The following ANKRD2 variants were observed in gnomAD, a reference collection of about 807,000 sequenced individuals.
The protein encoded by ANKRD2 is ankyrin repeat domain 2, also known as ankyrin repeat domain-containing protein 2.
In ANKRD2, 35 loss-of-function variants were observed where a neutral mutation model predicts 37.3. The ratio of observed to expected loss-of-function variants is 0.94; its 90% CI spans 0.72 to 1.24. ANKRD2 has a LOEUF of 1.24. ANKRD2 is among the 50% of genes most tolerant of loss of function. ANKRD2 has a pLI of 0.00. For synonymous variants in ANKRD2, 159 were observed against 186.5 expected (o/e 0.85, Z 1.20); for missense variants, 410 against 445.6 (o/e 0.92, Z 0.72).
chr10:97,580,691 T>G lies in ANKRD2; in HGVS notation c.457-164T>G, dbSNP rs1434587530. Among the ~76,000 whole-genome samples the G allele has an allele frequency of 2.0e-5, 3 of 152,082 alleles. No homozygotes were observed. The East Asian group carries it at 5.8e-4, about 29-fold the overall frequency. ...TCCCTGGGGCAGAGGGCTCCCAGGC[T>G]GGTCTGGATAGAGCATAAGGGAGCT... On this transcript the variant is annotated intron_variant, in intron 4 of 8. Transcript: ENST00000370655.
At chr10:97,572,945 T>G (rs2135695973) in intron 1 of ANKRD2, 70 bp downstream of exon 1, 187 of 1,439,288 alleles carry the variant, frequency 1.3e-4, no homozygotes, top group Middle Eastern at 2.2e-4. Flanking sequence ...GGGAGGGAGA[T>G]CCTGTCTGCT....
chr10:97,575,910 CA>C (rs5787245), intron 1 of ANKRD2, among the ~76,000 whole-genome samples: 76,087 of 136,080 alleles, frequency 0.56, 22,128 homozygotes, highest in Non-Finnish European at 0.69. Context: ...GACTCGGTCT[CA>C]AAAAAAAAAA....
At position 97,583,692 on chromosome 10, in the gene ANKRD2, G is replaced by A. The variant is rs145073956; in HGVS notation, c.969G>A (p.Gly323=). The A allele has an allele frequency of 1.8e-4, 294 of 1,591,550 alleles. No homozygotes were observed. Among genetic ancestry groups the A allele is most frequent in the Non-Finnish European group, 2.4e-4 (278 of 1,169,762 alleles). Residue 323 remains glycine, a synonymous_variant, in exon 9 of 9, where the codon GGG becomes GGA. Coordinates refer to ENST00000370655, the MANE Select transcript of ANKRD2 (RefSeq NM_001346793.2). ...HNGLEGPNDS[G]RETPQPVPAQ Reference sequence around the variant, plus strand: ...GGCTGGAGGGGCCTAATGATAGTGGGCGAGAGACCCCTCAGCCTGTGCCAG... The same window carrying A: ...GGCTGGAGGGGCCTAATGATAGTGGACGAGAGACCCCTCAGCCTGTGCCAG...
intron 1 of ANKRD2, 57 bp from the exon 2 acceptor site, chr10:97,577,743 G>C (rs373695766): frequency 2.4e-5 from 34 of 1,399,696 alleles, no homozygotes; most frequent in South Asian, 1.9e-4. Flanking sequence ...GTGTGGTTGG[G>C]GGAGAGGCTG....
At position 97,578,302 on chromosome 10, in the gene ANKRD2, G is replaced by A. The variant is rs146067120; in HGVS notation, c.252G>A (p.Gly84=). ...GGCGGGAGATCATCGATGTGGGCGG[G>A]ATCCAGAACCTCATCGAGCTGCGGA... The part of the protein sequence containing the change: ...DLRREIIDVG[G]IQNLIELRKK... Residue 84 remains glycine, a synonymous_variant, in exon 3 of 9, where the codon GGG becomes GGA. Transcript: ENST00000370655. 3 of 1,613,026 alleles carry A rather than the reference G, an allele frequency of 1.9e-6. No homozygotes were observed. The highest frequency in any genetic ancestry group is 2.7e-5 in the African/African-American group (2 of 74,886).
chr10:97,579,421 T>C (rs7908668), intron 4 of ANKRD2, among the ~76,000 whole-genome samples: 93,695 of 150,250 alleles, frequency 0.62, 30,152 homozygotes, highest in Non-Finnish European at 0.73. Context: ...ATCCTCCCAC[T>C]TCAGCCTCCC....
At chr10:97,577,126 C>T (rs1165112357) in intron 1 of ANKRD2, among the ~76,000 whole-genome samples, 1 of 152,158 alleles carries the variant, frequency 6.6e-6, no homozygotes, top group Non-Finnish European at 1.5e-5. Flanking sequence ...ACCTCAGTCT[C>T]CCAAGTAGCT....
chr10:97,575,792 T>C (rs1337403510), intron 1 of ANKRD2, among the ~76,000 whole-genome samples: 3 of 151,898 alleles, frequency 2.0e-5, no homozygotes, highest in Non-Finnish European at 4.4e-5. Context: ...GCGCCTGTAG[T>C]CCCAGCTACT....
At position 97,581,300 on chromosome 10, in the gene ANKRD2, C is replaced by A; in HGVS notation, c.556-16C>A. 1 of 1,612,302 alleles carries A rather than the reference C, an allele frequency of 6.2e-7. No homozygotes were observed. Among genetic ancestry groups the A allele is most frequent in the Non-Finnish European group, 8.5e-7 (1 of 1,178,704 alleles). Reference sequence around the variant, plus strand: ...TCCCTGCAGCTCTGTAGTTAGACCCCCTCATTTCTTTCTAGCTGGACTGCA... The same window carrying A: ...TCCCTGCAGCTCTGTAGTTAGACCCACTCATTTCTTTCTAGCTGGACTGCA... On this transcript the variant is annotated splice_polypyrimidine_tract_variant and intron_variant, in intron 5 of 8. Transcript: ENST00000370655.
intron 1 of ANKRD2, among the ~76,000 whole-genome samples, chr10:97,575,847 G>C (rs1391992180): frequency 6.6e-6 from 1 of 151,170 alleles, no homozygotes; most frequent in Non-Finnish European, 1.5e-5. Context: ...GGAAGTGGAG[G>C]TTACAGCAAG....
In ANKRD2 at chr10:97,578,395, G is replaced by A. The variant is rs544146661; in HGVS notation, c.345G>A (p.Glu115=). 6.2e-7 allele frequency: 1 copy of A among 1,613,752 alleles called. No individual in the cohort carries two copies. The highest frequency in any genetic ancestry group is 2.2e-5 in the East Asian group (1 of 44,848). Reference sequence around the variant, plus strand: ...ATGAGCCGCCCCCAGAGCCCGAGGAGATCGTAAGGGTCCTGGGGAGGACAC... The same window carrying A: ...ATGAGCCGCCCCCAGAGCCCGAGGAAATCGTAAGGGTCCTGGGGAGGACAC... The part of the protein sequence containing the change: ...ASHEPPPEPE[E]ITGPVDEETF... Residue 115 remains glutamate, a synonymous_variant, in exon 3 of 9, where the codon GAG becomes GAA. Transcript: ENST00000370655.
chr10:97,578,468 G>T, intron 3 of ANKRD2, 30 bp from the exon 4 acceptor site: 1 of 1,598,166 alleles, frequency 6.3e-7, no homozygotes, highest in Non-Finnish European at 8.5e-7. Context: ...TTGCTGGGAC[G>T]GCCCGTGACT....
intron 8 of ANKRD2, 123 bp downstream of exon 8, chr10:97,582,825 A>T: frequency 1.3e-6 from 1 of 797,890 alleles, no homozygotes; most frequent in Non-Finnish European, 2.1e-6. Flanking sequence ...CCAGCACCAT[A>T]GTACATAAAC....
At chr10:97,576,843 C>T (rs12263319) in intron 1 of ANKRD2, among the ~76,000 whole-genome samples, 7,380 of 151,294 alleles carry the variant, frequency 0.049, 467 homozygotes, top group African/African-American at 0.14. Context: ...ACTACAGGTG[C>T]GTGCCAACAC....
upstream of ANKRD2, chr10:97,572,749 C>A (rs1363717860): frequency 6.2e-7 from 1 of 1,604,560 alleles, no homozygotes; most frequent in Middle Eastern, 2.0e-4. Flanking sequence ...GTGCTCTGGC[C>A]TATAAAGCCC....
Position 97,581,007 on chromosome 10 carries a change from C to T in ANKRD2, c.555+54C>T, listed in dbSNP as rs2040891676. Reference sequence around the variant, plus strand: ...AGACAGGAGGTGGGTCCAGCACTGACAGACACCCTCTCCCTGCCACCTGTG... The same window carrying T: ...AGACAGGAGGTGGGTCCAGCACTGATAGACACCCTCTCCCTGCCACCTGTG... On this transcript the variant is annotated intron_variant, in intron 5 of 8. Transcript: ENST00000370655. The T allele has an allele frequency of 2.0e-6, 3 of 1,472,412 alleles. No homozygotes were observed. In the African/African-American group the frequency reaches 4.2e-5, roughly 21 times the overall value. The allele number at this position is 1,472,412 out of a possible 1,614,324, so 91.2% of individuals were successfully genotyped here. A position where few individuals can be genotyped will look rare whatever the true frequency, so the allele number is the denominator to read the frequency against.
At chr10:97,575,752 A>G (rs1383329394) in intron 1 of ANKRD2, among the ~76,000 whole-genome samples, 1 of 152,184 alleles carries the variant, frequency 6.6e-6, no homozygotes. Flanking sequence ...CTACTAAAAT[A>G]CAAAAATAAT....
chr10:97,578,731 T>A (rs1056689887), intron 4 of ANKRD2, 126 bp downstream of exon 4: 1 of 728,296 alleles, frequency 1.4e-6, no homozygotes, highest in African/African-American at 1.8e-5. Context: ...GATGGGTGGG[T>A]GGCTGGGGCG....
intron 1 of ANKRD2, among the ~76,000 whole-genome samples, chr10:97,576,779 C>T (rs917670831): frequency 3.3e-5 from 5 of 151,942 alleles, no homozygotes; most frequent in African/African-American, 1.2e-4. Flanking sequence ...TCACTGCAAC[C>T]TCCACCTCCT....
Sources: gnomAD v4.1 joint callset for allele counts (sites outside exome capture counted in the v4.1 genomes callset) on GRCh38, gnomAD v4.1.1 for gene constraint, MANE v1.5 for transcripts, NCBI Gene and HGNC (gene_info 2026-07-23, HGNC 2026-07-21) for gene names.